Variants in AGBL1 observed in about 807,000 individuals in gnomAD.
The protein encoded by AGBL1 is cytosolic carboxypeptidase 4.
A neutral mutation model predicts 118.9 loss-of-function variants in AGBL1; 130 were observed. The ratio of observed to expected loss-of-function variants is 1.09; its 90% CI spans 0.95 to 1.26. The LOEUF (loss-of-function observed/expected upper bound fraction) is 1.26, where lower values mean the gene tolerates loss of function less well. AGBL1 is among the 50% of genes most tolerant of loss of function. The pLI, the probability that AGBL1 is intolerant of heterozygous loss-of-function variation, is 0.00. For missense variants in AGBL1, 1,584 were observed against 1,298.1 expected, an observed-to-expected ratio of 1.22 and a Z score of -3.38; for synonymous variants, 555 against 478.9, an observed-to-expected ratio of 1.16 and a Z score of -2.08.
At chr15:86,898,059 A>G (rs1238199887) in intron 22 of AGBL1, among the ~76,000 whole-genome samples, 1 of 152,154 alleles carries the variant, frequency 6.6e-6, no homozygotes, top group South Asian at 2.1e-4. Flanking sequence ...GGCATGAGCC[A>G]CTGCACCTGG....
At chr15:86,956,114 A>G (rs1445566496) in intron 23 of AGBL1, among the ~76,000 whole-genome samples, 1 of 152,070 alleles carries the variant, frequency 6.6e-6, no homozygotes, top group Non-Finnish European at 1.5e-5. Flanking sequence ...GGGTCCATTA[A>G]CTAGGAAAAT....
chr15:86,143,332 AT>A (rs1477516768), intron 2 of AGBL1, among the ~76,000 whole-genome samples: 4 of 152,210 alleles, frequency 2.6e-5, no homozygotes, highest in African/African-American at 7.2e-5. Context: ...TAGCAGAGGG[AT>A]ACTGATATTC....
At chr15:86,650,831 T>C (rs1032893441) in intron 21 of AGBL1, among the ~76,000 whole-genome samples, 3 of 152,196 alleles carry the variant, frequency 2.0e-5, no homozygotes, top group Non-Finnish European at 4.4e-5. Context: ...GGTGTAACTT[T>C]TTTGTATCCT....
chr15:86,204,658 T>G (rs969048062), intron 5 of AGBL1, among the ~76,000 whole-genome samples: 1 of 152,134 alleles, frequency 6.6e-6, no homozygotes, highest in Non-Finnish European at 1.5e-5. Flanking sequence ...GGTGCAATCT[T>G]GGCTCACTAC....
chr15:86,099,618 C>A (rs1896589659), intron 1 of AGBL1, among the ~76,000 whole-genome samples: 1 of 151,120 alleles, frequency 6.6e-6, no homozygotes, highest in African/African-American at 2.4e-5. Flanking sequence ...TGGCTCACTG[C>A]AACCTCCGCC....
chr15:86,264,356 C>G lies in AGBL1; in HGVS notation c.1185C>G (p.Cys395Trp). The G allele has an allele frequency of 6.2e-7, 1 of 1,613,360 alleles. No homozygotes were observed. Among genetic ancestry groups the G allele is most frequent in the South Asian group, 1.1e-5 (1 of 90,888 alleles). Residue 395 changes from cysteine (C) to tryptophan (W), a missense_variant, in exon 11 of 23, where the codon TGC becomes TGG. Physicochemically the swap from Cys to Trp is radical, Grantham distance 215. Coordinates refer to ENST00000614907, the MANE Select transcript of AGBL1 (RefSeq NM_001386094.1). ...IPAAASSKQH[C>W]YSKDQSSCGQ... ...CCGCTGCCTCCTCAAAACAGCATTGCTACAGCAAGGACCAAAGCTCCTGTG... is the reference window on the plus strand; with the variant it reads ...CCGCTGCCTCCTCAAAACAGCATTGGTACAGCAAGGACCAAAGCTCCTGTG...
At chr15:86,887,270 CCTAT>C (rs1289506973) in intron 22 of AGBL1, among the ~76,000 whole-genome samples, 31 of 152,150 alleles carry the variant, frequency 2.0e-4, no homozygotes, top group African/African-American at 3.4e-4. Context: ...TATCTACCTA[CCTAT>C]CTATCATTTA....
chr15:86,482,350 A>G lies in AGBL1; in HGVS notation c.2556-40460A>G, dbSNP rs2082662788. On this transcript the variant is annotated intron_variant, in intron 18 of 22. Coordinates refer to ENST00000614907, the MANE Select transcript of AGBL1 (RefSeq NM_001386094.1). ...GTTATTATTGACTCTTGCCCAGAGC[A>G]TGGAGATGGATGGCCTCTGCCATGC... Among the ~76,000 whole-genome samples, 6 of 152,164 alleles carry G rather than the reference A, an allele frequency of 3.9e-5. No homozygotes were observed. In the South Asian group the frequency reaches 1.0e-3, roughly 26 times the overall value.
chr15:86,208,466 G>A (rs889183053), intron 5 of AGBL1, among the ~76,000 whole-genome samples: 1 of 152,142 alleles, frequency 6.6e-6, no homozygotes, highest in African/African-American at 2.4e-5. Flanking sequence ...TTTTGGATTG[G>A]TAGGCTATTA....
In AGBL1 at chr15:86,833,105, C is replaced by T. The variant is rs1336989692; in HGVS notation, c.3159-73982C>T. ...TAATCACAGCATGGAAAAGACCCGC[C>T]CCCATGATTCAATTGCTTCGCATTG... On this transcript the variant is annotated intron_variant, in intron 22 of 22. Transcript: ENST00000614907. Among the ~76,000 whole-genome samples, 7 of 152,116 alleles carry T rather than the reference C, an allele frequency of 4.6e-5. 1 individual carries two copies. Among genetic ancestry groups the T allele is most frequent in the African/African-American group, 1.7e-4 (7 of 41,434 alleles).
chr15:87,028,897 C>G, exon 25 of AGBL1: 1 of 1,550,138 alleles, frequency 6.5e-7, no homozygotes, highest in Non-Finnish European at 8.9e-7. Flanking sequence ...CCAGCTCCTC[C>G]TGGATCTGTG....
intron 1 of AGBL1, among the ~76,000 whole-genome samples, chr15:86,129,812 A>G (rs2076795970): frequency 6.6e-6 from 1 of 152,210 alleles, no homozygotes. Flanking sequence ...ACTCGTTGAT[A>G]GATTCTTTTG....
At chr15:86,232,135 C>T (rs1480205720) in intron 6 of AGBL1, among the ~76,000 whole-genome samples, 2 of 152,186 alleles carry the variant, frequency 1.3e-5, no homozygotes, top group Non-Finnish European at 2.9e-5. Context: ...GCTTTTTTTC[C>T]TGGGCTCCAA....
chr15:86,095,869 C>T (rs1416189230), intron 1 of AGBL1, among the ~76,000 whole-genome samples: 1 of 151,850 alleles, frequency 6.6e-6, no homozygotes, highest in African/African-American at 2.4e-5. Flanking sequence ...TATTAATTGG[C>T]TATGTGACCT....
At chr15:86,148,300 G>T (rs1398084667) in intron 3 of AGBL1, among the ~76,000 whole-genome samples, 2 of 152,128 alleles carry the variant, frequency 1.3e-5, no homozygotes, top group Non-Finnish European at 2.9e-5. Context: ...ACAGAAATGG[G>T]CTTCAAAAGG....
chr15:86,650,275 C>A (rs1224914487), intron 21 of AGBL1, among the ~76,000 whole-genome samples: 1 of 152,090 alleles, frequency 6.6e-6, no homozygotes, highest in Non-Finnish European at 1.5e-5. Flanking sequence ...CTAAGTATGG[C>A]CATGTGACCA....
At chr15:86,161,277 C>A (rs1315306106) in intron 5 of AGBL1, among the ~76,000 whole-genome samples, 1 of 152,216 alleles carries the variant, frequency 6.6e-6, no homozygotes. Flanking sequence ...CCAACCGTTA[C>A]AATATAGCTG....
At chr15:86,381,594 G>A (rs910487800) in intron 17 of AGBL1, among the ~76,000 whole-genome samples, 4 of 152,138 alleles carry the variant, frequency 2.6e-5, no homozygotes, top group Admixed American at 1.3e-4. Context: ...CCATGCTATG[G>A]TAGAAATTAG....
At chr15:86,641,770 T>TA (rs935981058) in intron 21 of AGBL1, among the ~76,000 whole-genome samples, 11 of 152,276 alleles carry the variant, frequency 7.2e-5, no homozygotes, top group African/African-American at 2.6e-4. Flanking sequence ...AAAAAAGACC[T>TA]AAAAAAACCC....
Sources: allele counts gnomAD v4.1 joint callset (sites outside exome capture counted in the v4.1 genomes callset), GRCh38; gene constraint gnomAD v4.1.1; transcripts MANE v1.5; gene names NCBI Gene and HGNC (gene_info 2026-07-23, HGNC 2026-07-21).